Variants in FHIP1A observed in about 807,000 individuals in gnomAD.
The protein encoded by FHIP1A is FHF complex subunit HOOK interacting protein 1A.
In FHIP1A, 61 loss-of-function variants were observed where a neutral mutation model predicts 88.6. That is an observed-to-expected ratio of 0.69 (90% CI 0.56 to 0.85). The LOEUF (loss-of-function observed/expected upper bound fraction) is 0.85. Ranked by LOEUF, FHIP1A falls within the 40% of genes least tolerant of loss-of-function variation. The probability of loss-of-function intolerance (pLI) is 0.00; values close to 1 mark genes in which losing one functional copy is unlikely to be tolerated. For synonymous variants in FHIP1A, 478 were observed against 496.0 expected, an observed-to-expected ratio of 0.96 and a Z score of 0.48; for missense variants, 1,154 against 1,273.5, an observed-to-expected ratio of 0.91 and a Z score of 1.43.
At position 151,483,445 on chromosome 4, in the gene FHIP1A, G is replaced by C. The variant is rs1381526169; in HGVS notation, c.-123+797G>C. ...ATCAGAATGGTAGGGGCAGGACTTGGGAATCTGCATATTGCAAGTGAATGT... is the reference window on the plus strand; with the variant it reads ...ATCAGAATGGTAGGGGCAGGACTTGCGAATCTGCATATTGCAAGTGAATGT... On this transcript the variant is annotated intron_variant, in intron 3 of 13. Transcript: ENST00000435205. 2.0e-5 allele frequency among the ~76,000 whole-genome samples: 3 copies of C among 152,150 alleles called. No individual in the cohort carries two copies. In the East Asian group the frequency reaches 5.8e-4, roughly 29 times the overall value.
At chr4:151,452,746 C>T (rs1728831307) in intron 1 of FHIP1A, among the ~76,000 whole-genome samples, 1 of 150,028 alleles carries the variant, frequency 6.7e-6, no homozygotes, top group Non-Finnish European at 1.5e-5. Context: ...CCACTGTACT[C>T]CAGCCTGGGT....
intron 1 of FHIP1A, among the ~76,000 whole-genome samples, chr4:151,443,492 G>A (rs78999366): frequency 0.014 from 2,156 of 152,012 alleles, 44 homozygotes; most frequent in African/African-American, 0.05. Context: ...TTAACACTTC[G>A]CTTTCAGGGT....
intron 7 of FHIP1A, among the ~76,000 whole-genome samples, chr4:151,616,605 C>T (rs1375099620): frequency 5.9e-5 from 9 of 151,962 alleles, no homozygotes; most frequent in Non-Finnish European, 7.4e-5. Flanking sequence ...CCCGCCACCA[C>T]ACCTGGCTAA....
intron 3 of FHIP1A, among the ~76,000 whole-genome samples, chr4:151,549,127 G>A (rs540884815): frequency 6.6e-6 from 1 of 152,146 alleles, no homozygotes; most frequent in East Asian, 1.9e-4. Flanking sequence ...TTGGCAGGAA[G>A]GACAGTTAGG....
At chr4:151,588,246 T>C (rs1197196171) in intron 6 of FHIP1A, among the ~76,000 whole-genome samples, 1 of 152,160 alleles carries the variant, frequency 6.6e-6, no homozygotes, top group Non-Finnish European at 1.5e-5. Flanking sequence ...AGAAGTATTG[T>C]ACTTCTGATA....
At chr4:151,508,641 A>T (rs1403267715) in intron 3 of FHIP1A, among the ~76,000 whole-genome samples, 2 of 152,210 alleles carry the variant, frequency 1.3e-5, no homozygotes, top group Non-Finnish European at 2.9e-5. Flanking sequence ...GGCTCTCAGA[A>T]TCAAAGTTTG....
intron 1 of FHIP1A, among the ~76,000 whole-genome samples, chr4:151,411,343 A>ATTTTTTTTTTTT (rs370374898): frequency 1.8e-5 from 2 of 112,244 alleles, no homozygotes; most frequent in African/African-American, 3.6e-5. Context: ...GTGAAATTAT[A>ATTTTTTTTTTTT]TATATATTTT....
intron 1 of FHIP1A, among the ~76,000 whole-genome samples, chr4:151,425,945 A>G (rs1733354821): frequency 6.6e-6 from 1 of 152,216 alleles, no homozygotes; most frequent in African/African-American, 2.4e-5. Flanking sequence ...TGGATAATCC[A>G]AGATAAACTC....
chr4:151,436,804 G>A (rs918930547), intron 1 of FHIP1A, among the ~76,000 whole-genome samples: 4 of 152,096 alleles, frequency 2.6e-5, no homozygotes, highest in Non-Finnish European at 4.4e-5. Context: ...CTAACATCCA[G>A]TAGAAATACC....
intron 3 of FHIP1A, among the ~76,000 whole-genome samples, chr4:151,499,860 G>A (rs1020620634): frequency 3.3e-5 from 5 of 152,282 alleles, no homozygotes; most frequent in South Asian, 2.1e-4. Flanking sequence ...ACCGCCTCCC[G>A]TGATGAAATT....
At chr4:151,585,699 T>C (rs1043303621) in intron 5 of FHIP1A, among the ~76,000 whole-genome samples, 1 of 152,238 alleles carries the variant, frequency 6.6e-6, no homozygotes, top group African/African-American at 2.4e-5. Context: ...TCTGTCTCTA[T>C]TAAAGGCATC....
At chr4:151,570,642 A>G (rs549729163) in intron 4 of FHIP1A, among the ~76,000 whole-genome samples, 6 of 152,270 alleles carry the variant, frequency 3.9e-5, no homozygotes, top group Admixed American at 3.9e-4. Flanking sequence ...AAAATTACAT[A>G]TACAGTATCT....
chr4:151,587,976 C>G (rs1183709595), intron 6 of FHIP1A, among the ~76,000 whole-genome samples: 1 of 152,052 alleles, frequency 6.6e-6, no homozygotes, highest in African/African-American at 2.4e-5. Context: ...GAAGATCTAG[C>G]TTCACTTTCC....
At chr4:151,606,243 C>T (rs1735070384) in intron 7 of FHIP1A, among the ~76,000 whole-genome samples, 1 of 152,194 alleles carries the variant, frequency 6.6e-6, no homozygotes, top group Non-Finnish European at 1.5e-5. Flanking sequence ...CTCTGGCAGA[C>T]TTCCCGTTGG....
At chr4:151,580,885 T>A (rs1321495867) in intron 5 of FHIP1A, among the ~76,000 whole-genome samples, 2 of 152,154 alleles carry the variant, frequency 1.3e-5, no homozygotes, top group Non-Finnish European at 2.9e-5. Flanking sequence ...TGAGACAGAG[T>A]CTCACTCTGT....
At position 151,521,675 on chromosome 4, in the gene FHIP1A, TTGTATGTATGTATGTATGTATGTA is replaced by T. The variant is rs35842414; in HGVS notation, c.-123+39053_-123+39076del. 2.3e-3 allele frequency among the ~76,000 whole-genome samples: 351 copies of T among 150,446 alleles called. 1 individual carries two copies. Among genetic ancestry groups the T allele is most frequent in the African/African-American group, 5.4e-3 (220 of 40,834 alleles). On this transcript the variant is annotated intron_variant, in intron 3 of 13. Transcript: ENST00000435205. The stretch of plus-strand genomic sequence containing the variant: ...AGGCTTCCTTTCCGGGTATGTCAGT[TTGTATGTATGTATGTATGTATGTA>T]TGTATGTATGTATGTATGTATGTAT...
At chr4:151,476,402 T>G (rs11932398) in intron 2 of FHIP1A, among the ~76,000 whole-genome samples, 78,853 of 151,624 alleles carry the variant, frequency 0.52, 20,795 homozygotes, top group African/African-American at 0.55. Flanking sequence ...TCTCACCTCA[T>G]CCTCCAGAAG....
intron 3 of FHIP1A, among the ~76,000 whole-genome samples, chr4:151,513,943 C>T (rs1344368815): frequency 1.3e-5 from 2 of 150,152 alleles, no homozygotes; most frequent in African/African-American, 2.5e-5. Context: ...CAGCTCTGCA[C>T]CAAGCGGACC....
chr4:151,644,471 C>T (rs1228517505), intron 9 of FHIP1A, among the ~76,000 whole-genome samples: 1 of 152,106 alleles, frequency 6.6e-6, no homozygotes, highest in African/African-American at 2.4e-5. Flanking sequence ...CCTACCTCAG[C>T]CTCCCGACTA....
Sources: allele counts gnomAD v4.1 joint callset (sites outside exome capture counted in the v4.1 genomes callset), GRCh38; gene constraint gnomAD v4.1.1; transcripts MANE v1.5; gene names NCBI Gene and HGNC (gene_info 2026-07-23, HGNC 2026-07-21).